ADAM19: variants seen among roughly 807,000 people sequenced by gnomAD.
ADAM19 encodes the protein disintegrin and metalloproteinase domain-containing protein 19.
In ADAM19, 65 loss-of-function variants were observed where a neutral mutation model predicts 114.7. The ratio of observed to expected loss-of-function variants is 0.57; its 90% confidence interval spans 0.46 to 0.70. The LOEUF is 0.70. Ranked by LOEUF, ADAM19 falls within the 30% of genes least tolerant of loss-of-function variation. The pLI is 0.00. For synonymous variants in ADAM19, 466 were observed against 460.5 expected (o/e 1.01, Z -0.15); for missense variants, 1,063 against 1,204.7 (o/e 0.88, Z 1.74).
At chr5:157,520,612 G>A (rs1756257810) in intron 5 of ADAM19, among the ~76,000 whole-genome samples, 1 of 152,180 alleles carries the variant, frequency 6.6e-6, no homozygotes, top group African/African-American at 2.4e-5. Flanking sequence ...CCAAGCGTCA[G>A]TTTCCTCATC....
intron 15 of ADAM19, among the ~76,000 whole-genome samples, chr5:157,494,044 T>C (rs1755263905): frequency 6.6e-6 from 1 of 152,242 alleles, no homozygotes; most frequent in African/African-American, 2.4e-5. Context: ...GCCATTGTCA[T>C]ACTATATTGT....
At chr5:157,557,114 C>T (rs1009310642) in intron 3 of ADAM19, among the ~76,000 whole-genome samples, 5 of 152,032 alleles carry the variant, frequency 3.3e-5, no homozygotes, top group African/African-American at 1.2e-4. Context: ...TGCCACATTG[C>T]CCAGGCTGGT....
chr5:157,491,693 G>A lies in ADAM19; in HGVS notation c.2017C>T (p.Leu673=). 1 of 1,586,440 alleles carries A rather than the reference G, an allele frequency of 6.3e-7. No homozygotes were observed. The highest frequency in any genetic ancestry group is 1.2e-5 in the South Asian group (1 of 86,510). ...CAGAAGGGCGGGGCCCAGCCCGGCAGGCAGTGGCAGTTCTGGTTGTTGTTA... is the reference window on the plus strand; with the variant it reads ...CAGAAGGGCGGGGCCCAGCCCGGCAAGCAGTGGCAGTTCTGGTTGTTGTTA... ...VCNNNQNCHC[L]PGWAPPFCNT... The change falls in exon 18 of 23, where the codon CTG becomes TTG. Residue 673 remains leucine, a synonymous_variant. Transcript: ENST00000257527.
intron 2 of ADAM19, chr5:157,568,860 C>G (rs1011222333): frequency 6.6e-6 from 1 of 152,136 alleles, no homozygotes; most frequent in Non-Finnish European, 1.5e-5. Context: ...CAAATAGTTA[C>G]GGTGCCAGGC....
Position 157,531,013 on chromosome 5 carries a change from T to A in ADAM19, c.331-130A>T, listed in dbSNP as rs1756608678. ...CCCAACCTTATAGCACCTTACAACC[T>A]GCAAAGAGCTTTCCAAGCCACCATT... On this transcript the variant is annotated intron_variant, in intron 4 of 22. Coordinates refer to ENST00000257527, the MANE Select transcript of ADAM19 (RefSeq NM_033274.5). 11 of 688,978 alleles carry A rather than the reference T, an allele frequency of 1.6e-5. No homozygotes were observed. The South Asian group carries it at 1.9e-4, about 12-fold the overall frequency. The allele number at this position is 688,978 out of a possible 1,614,324, so 42.7% of individuals were successfully genotyped here.
chr5:157,530,679 C>T lies in ADAM19; in HGVS notation c.407+128G>A, dbSNP rs533178729. 32 of 724,822 alleles carry T rather than the reference C, an allele frequency of 4.4e-5. No homozygotes were observed. In the African/African-American group the frequency reaches 4.7e-4, roughly 11 times the overall value. The allele number at this position is 724,822 out of a possible 1,614,324, so 44.9% of individuals were successfully genotyped here. A position where few individuals can be genotyped will look rare whatever the true frequency, so the allele number is the denominator to read the frequency against. On this transcript the variant is annotated intron_variant, in intron 5 of 22. Coordinates refer to ENST00000257527, the MANE Select transcript of ADAM19 (RefSeq NM_033274.5). ...GCCCATCCTCCCAGGCTCAGCCCCTCTCTGGGCTGGCTTGCACACATTCTC... is the reference window on the plus strand; with the variant it reads ...GCCCATCCTCCCAGGCTCAGCCCCTTTCTGGGCTGGCTTGCACACATTCTC...
chr5:157,557,621 T>C (rs777993221), intron 3 of ADAM19, among the ~76,000 whole-genome samples: 2 of 152,200 alleles, frequency 1.3e-5, no homozygotes, highest in Non-Finnish European at 2.9e-5. Context: ...GCAACAAATT[T>C]ACTTCTCACG....
chr5:157,485,381 C>T (rs1754900463), intron 21 of ADAM19, among the ~76,000 whole-genome samples: 1 of 152,192 alleles, frequency 6.6e-6, no homozygotes. Context: ...CGTGAATACA[C>T]TAAGTAATCC....
intron 8 of ADAM19, among the ~76,000 whole-genome samples, chr5:157,511,637 AGGAAGTAAACTT>A (rs1255357531): frequency 1.3e-5 from 2 of 152,224 alleles, no homozygotes; most frequent in Non-Finnish European, 2.9e-5. Context: ...GAGCTTTTGA[AGGAAGTAAACTT>A]GGCTTTTTTT....
In ADAM19 at chr5:157,550,091, G is replaced by A. The variant is rs187328397; in HGVS notation, c.252-12100C>T. ...CAGCTTCATAGGACTGACGTGGGGT[G>A]GGGGAGAATGAAGAATGACTGTGCT... On this transcript the variant is annotated intron_variant, in intron 3 of 22. Coordinates refer to ENST00000257527, the MANE Select transcript of ADAM19 (RefSeq NM_033274.5). Among the ~76,000 whole-genome samples the A allele has an allele frequency of 1.5e-3, 236 of 152,282 alleles. 1 individual carries two copies. The highest frequency in any genetic ancestry group is 2.9e-3 in the Non-Finnish European group (197 of 68,012).
intron 7 of ADAM19, among the ~76,000 whole-genome samples, chr5:157,517,390 T>C (rs1756123856): frequency 6.6e-6 from 1 of 152,320 alleles, no homozygotes; most frequent in South Asian, 2.1e-4. Flanking sequence ...CAGCTCATAA[T>C]GACATCCAAT....
rs1037650463 is a variant in ADAM19, at chr5:157,509,350, T to C, written c.856A>G (p.Arg286Gly). The C allele has an allele frequency of 6.2e-7, 1 of 1,612,900 alleles. No homozygotes were observed. Among genetic ancestry groups the C allele is most frequent in the Non-Finnish European group, 8.5e-7 (1 of 1,179,284 alleles). ...TACTTCTGGGCAAGCAGCTTGCGCC[T>C]CCAACTGAGAAAGGACCAGAGGGTA... ...YSTLWSFLSW[R>G]RKLLAQKYHD... Residue 286 changes from arginine to glycine, a missense_variant, in exon 9 of 23, where the codon AGG becomes GGG. By Grantham distance (125) the Arg-to-Gly change is moderately radical. Transcript: ENST00000257527.
rs140497093 is a variant in ADAM19, at chr5:157,494,913, C to G, written c.1595-118G>C. The G allele has an allele frequency of 1.3e-4, 90 of 708,160 alleles. 1 individual carries two copies. The East Asian group carries it at 2.5e-3, about 20-fold the overall frequency. The allele number at this position is 708,160 out of a possible 1,614,324, so 43.9% of individuals were successfully genotyped here. ...TTTTCTGGGAGGGAATACTCAGCCT[C>G]TTCTTCCTGTTCCCTCCAGGTTACT... is the stretch of plus-strand genomic sequence containing the variant. On this transcript the variant is annotated intron_variant, in intron 14 of 22. Transcript: ENST00000257527.
At chr5:157,531,858 C>G (rs1490226234) in intron 4 of ADAM19, among the ~76,000 whole-genome samples, 1 of 152,034 alleles carries the variant, frequency 6.6e-6, no homozygotes, top group East Asian at 1.9e-4. Flanking sequence ...CAAGGATGGC[C>G]AGAAGCCACC....
chr5:157,480,662 T>C lies in ADAM19; in HGVS notation c.*287A>G. The stretch of plus-strand genomic sequence containing the variant: ...CATCAGCACCTCGGGGCTAGGAGTC[T>C]GGAGGAGAAGCTGCCAGTCACCCTC... On this transcript the variant is annotated 3_prime_UTR_variant, in exon 23 of 23. Coordinates refer to ENST00000257527, the MANE Select transcript of ADAM19 (RefSeq NM_033274.5). 8.1e-7 allele frequency: 1 copy of C among 1,236,192 alleles called. No homozygotes were observed. The highest frequency in any genetic ancestry group is 4.1e-5 in the East Asian group (1 of 24,604). 76.6% of individuals were successfully genotyped at this position (1,236,192 alleles called of 1,614,324 possible). A position where few individuals can be genotyped will look rare whatever the true frequency, so the allele number is the denominator to read the frequency against.
chr5:157,544,048 C>T (rs1581343254), intron 3 of ADAM19, among the ~76,000 whole-genome samples: 1 of 152,328 alleles, frequency 6.6e-6, no homozygotes, highest in East Asian at 1.9e-4. Context: ...AAAGGCATGG[C>T]CCTAAAGCCA....
intron 5 of ADAM19, among the ~76,000 whole-genome samples, chr5:157,520,886 C>T (rs1756267749): frequency 6.6e-6 from 1 of 152,226 alleles, no homozygotes; most frequent in Admixed American, 6.5e-5. Flanking sequence ...TAGACATAAT[C>T]CTTGTCCTTG....
intron 4 of ADAM19, among the ~76,000 whole-genome samples, chr5:157,535,630 G>T (rs181070111): frequency 6.6e-6 from 1 of 152,198 alleles, no homozygotes; most frequent in Admixed American, 6.5e-5. Context: ...GGGAGAGGGG[G>T]AGTTCTTTTC....
intron 5 of ADAM19, among the ~76,000 whole-genome samples, chr5:157,529,396 G>C (rs568168896): frequency 6.6e-6 from 1 of 152,096 alleles, no homozygotes; most frequent in African/African-American, 2.4e-5. Flanking sequence ...TACATGTGTA[G>C]ATCCTACTGC....
Sources: gnomAD v4.1 joint callset for allele counts (sites outside exome capture counted in the v4.1 genomes callset) on GRCh38, gnomAD v4.1.1 for gene constraint, MANE v1.5 for transcripts, NCBI Gene and HGNC (gene_info 2026-07-23, HGNC 2026-07-21) for gene names.